CRY1: variants seen among roughly 807,000 people sequenced by gnomAD.
CRY1 encodes the protein cryptochrome-1.
CRY1 carries 45 observed loss-of-function variants against 76.0 expected under a neutral mutation model. That is an observed-to-expected ratio of 0.59 (90% CI 0.47 to 0.76). The LOEUF is 0.76. CRY1 is among the 30% of genes least tolerant of loss of function. CRY1 has a pLI of 0.00. For missense variants in CRY1, 587 were observed against 716.4 expected, an observed-to-expected ratio of 0.82 and a Z score of 2.06; for synonymous variants, 248 against 244.0, an observed-to-expected ratio of 1.02 and a Z score of -0.15.
intron 2 of CRY1, among the ~76,000 whole-genome samples, chr12:107,015,892 C>T (rs1242517159): frequency 6.6e-6 from 1 of 152,086 alleles, no homozygotes; most frequent in African/African-American, 2.4e-5. Context: ...CACTATGTTG[C>T]CCAGGCTGGT....
rs547611707 is a variant in CRY1, at chr12:107,028,024, C to T, written c.159-5832G>A. ...AAAAACTACACTTACAATATCTAAA[C>T]AGGAACAACTCATTGCTGACCCCAA... On this transcript the variant is annotated intron_variant, in intron 1 of 12. Transcript: ENST00000008527. 1.8e-4 allele frequency among the ~76,000 whole-genome samples: 27 copies of T among 152,242 alleles called. 1 individual carries two copies. In the South Asian group the frequency reaches 4.3e-3, roughly 25 times the overall value.
chr12:107,006,454 T>G (rs1952375783), intron 2 of CRY1, among the ~76,000 whole-genome samples: 1 of 152,098 alleles, frequency 6.6e-6, no homozygotes, highest in Admixed American at 6.6e-5. Flanking sequence ...TTATAGGGTA[T>G]TTATCCAATT....
In CRY1 at chr12:107,027,055, C is replaced by T. The variant is rs1009913607; in HGVS notation, c.159-4863G>A. ...TTTTCCTTGATAATACCTCTAACAGCCCAGGTTCAAAGTATCAACTCAGTG... is the reference window on the plus strand; with the variant it reads ...TTTTCCTTGATAATACCTCTAACAGTCCAGGTTCAAAGTATCAACTCAGTG... On this transcript the variant is annotated intron_variant, in intron 1 of 12. Coordinates refer to ENST00000008527, the MANE Select transcript of CRY1 (RefSeq NM_004075.5). 5.6e-4 allele frequency among the ~76,000 whole-genome samples: 85 copies of T among 152,112 alleles called. 5 individuals are homozygous for T. The highest frequency in any genetic ancestry group is 1.3e-4 in the Non-Finnish European group (9 of 68,022).
chr12:107,060,176 G>A lies in CRY1; in HGVS notation c.158+32628C>T, dbSNP rs1472202110. ...TCATTTAATACTCAAACAATTCTATGAGATATGTGGTGCTATAGTTTGAAT... is the reference window on the plus strand; with the variant it reads ...TCATTTAATACTCAAACAATTCTATAAGATATGTGGTGCTATAGTTTGAAT... On this transcript the variant is annotated intron_variant, in intron 1 of 12. Coordinates refer to ENST00000008527, the MANE Select transcript of CRY1 (RefSeq NM_004075.5). Among the ~76,000 whole-genome samples, 4 of 152,168 alleles carry A rather than the reference G, an allele frequency of 2.6e-5. No homozygotes were observed. In the East Asian group the frequency reaches 7.7e-4, roughly 29 times the overall value.
At chr12:107,069,418 T>G (rs1258818993) in intron 1 of CRY1, among the ~76,000 whole-genome samples, 1 of 150,684 alleles carries the variant, frequency 6.6e-6, no homozygotes, top group Non-Finnish European at 1.5e-5. Context: ...TTTTCAATAA[T>G]AGTCATTTTG....
At chr12:106,995,014 A>T (rs1177829195) in intron 10 of CRY1, among the ~76,000 whole-genome samples, 5 of 152,208 alleles carry the variant, frequency 3.3e-5, no homozygotes, top group Admixed American at 3.3e-4. Context: ...TCTTGTAAAC[A>T]CTTATGGCAT....
At chr12:107,074,686 A>AAGG (rs971483670) in intron 1 of CRY1, among the ~76,000 whole-genome samples, 1 of 152,238 alleles carries the variant, frequency 6.6e-6, no homozygotes, top group African/African-American at 2.4e-5. Context: ...TTCTAGAACT[A>AAGG]GAAGGGACCT....
At chr12:106,999,396 C>T (rs998950677) in intron 7 of CRY1, among the ~76,000 whole-genome samples, 155 bp downstream of exon 7, 2 of 152,142 alleles carry the variant, frequency 1.3e-5, no homozygotes, top group Non-Finnish European at 2.9e-5. Flanking sequence ...TACCATTTTT[C>T]TCTGAAAGTG....
chr12:107,090,378 CA>C (rs1310112463), intron 1 of CRY1, among the ~76,000 whole-genome samples: 1 of 152,190 alleles, frequency 6.6e-6, no homozygotes, highest in Non-Finnish European at 1.5e-5. Context: ...CATGCCTGAC[CA>C]AAATACTTTC....
chr12:107,011,529 G>A (rs1213235268), intron 2 of CRY1, among the ~76,000 whole-genome samples: 2 of 152,158 alleles, frequency 1.3e-5, no homozygotes, highest in African/African-American at 4.8e-5. Context: ...TGGCGATATG[G>A]AGAAAACTTT....
rs1416258736 is a variant in CRY1, at chr12:106,997,497, T to C, written c.1483A>G (p.Arg495Gly). Residue 495 changes from arginine (R) to glycine (G), a missense_variant, in exon 9 of 13, where the codon AGA (arginine) becomes GGA (glycine). Coordinates refer to ENST00000008527, the MANE Select transcript of CRY1 (RefSeq NM_004075.5). ...KQIYQQLSRY[R>G]GLGLLASVPS... The stretch of plus-strand genomic sequence containing the variant: ...ACAGTTCTTAACATACCTAGTCCTC[T>C]ATATCGTGAAAGCTGCTGATAGATC... The C allele has an allele frequency of 6.2e-7, 1 of 1,613,980 alleles. No homozygotes were observed. The highest frequency in any genetic ancestry group is 1.3e-5 in the African/African-American group (1 of 75,066).
chr12:107,038,898 C>T (rs959085967), intron 1 of CRY1, among the ~76,000 whole-genome samples: 1 of 152,156 alleles, frequency 6.6e-6, no homozygotes, highest in African/African-American at 2.4e-5. Context: ...CTAGGTTTTC[C>T]CTGAGGAAGA....
chr12:107,008,303 T>C (rs1419272894), intron 2 of CRY1, among the ~76,000 whole-genome samples: 1 of 152,226 alleles, frequency 6.6e-6, no homozygotes, highest in Admixed American at 6.5e-5. Flanking sequence ...AGAGAAAGTT[T>C]CCCAAAATTA....
intron 1 of CRY1, among the ~76,000 whole-genome samples, chr12:107,047,320 T>C (rs531152898): frequency 3.3e-5 from 5 of 152,338 alleles, no homozygotes; most frequent in African/African-American, 9.6e-5. Context: ...ATTTAAATCA[T>C]TTCATTTGAA....
chr12:106,997,762 C>G (rs1458595597), intron 8 of CRY1, 72 bp from the exon 9 acceptor site: 6 of 1,565,092 alleles, frequency 3.8e-6, no homozygotes, highest in Non-Finnish European at 5.2e-6. Flanking sequence ...CTATGACAGA[C>G]CAAAATCAAA....
chr12:107,001,175 C>A, intron 5 of CRY1, 105 bp downstream of exon 5: 1 of 786,622 alleles, frequency 1.3e-6, no homozygotes, highest in South Asian at 1.9e-5. Context: ...TCTGTTAATC[C>A]TCCCCTTTCA....
At chr12:107,016,739 G>C (rs1952501603) in intron 2 of CRY1, among the ~76,000 whole-genome samples, 2 of 152,046 alleles carry the variant, frequency 1.3e-5, no homozygotes, top group South Asian at 2.1e-4. Context: ...TGCCTAAAAG[G>C]CATCCCAAAC....
At chr12:107,042,459 C>A (rs1054753486) in intron 1 of CRY1, among the ~76,000 whole-genome samples, 1 of 152,020 alleles carries the variant, frequency 6.6e-6, no homozygotes, top group African/African-American at 2.4e-5. Context: ...ACCACATATC[C>A]CCTGATATAA....
At chr12:107,055,870 T>C (rs1479129774) in intron 1 of CRY1, among the ~76,000 whole-genome samples, 1 of 151,840 alleles carries the variant, frequency 6.6e-6, no homozygotes, top group East Asian at 1.9e-4. Context: ...CCATAGATAC[T>C]ACATATATTT....
Sources: gnomAD v4.1 joint callset for allele counts (sites outside exome capture counted in the v4.1 genomes callset) on GRCh38, gnomAD v4.1.1 for gene constraint, MANE v1.5 for transcripts, NCBI Gene and HGNC (gene_info 2026-07-23, HGNC 2026-07-21) for gene names.